Variants in VPS35L observed in about 807,000 individuals in gnomAD.
The protein encoded by VPS35L is VPS35 endosomal protein sorting factor like.
VPS35L carries 83 observed loss-of-function variants against 133.0 expected under a neutral mutation model. The observed-to-expected ratio is 0.62, with a 90% CI of 0.52 to 0.75. VPS35L has a LOEUF of 0.75. Among genes scored for constraint, VPS35L ranks in the 30% least tolerant of loss-of-function variants. The probability of loss-of-function intolerance (pLI) is 0.00; values close to 1 mark genes in which losing one functional copy is unlikely to be tolerated. For synonymous variants in VPS35L, 423 were observed against 449.9 expected (o/e 0.94, Z 0.76); for missense variants, 1,083 against 1,206.8 (o/e 0.90, Z 1.52).
chr16:19,572,580 C>T (rs548277487), intron 3 of VPS35L, among the ~76,000 whole-genome samples: 1 of 152,314 alleles, frequency 6.6e-6, no homozygotes, highest in Admixed American at 6.5e-5. Context: ...AACTCTTTGA[C>T]ATTCTGATAG....
At chr16:19,630,556 G>C (rs551424460) in intron 18 of VPS35L, among the ~76,000 whole-genome samples, 4 of 151,846 alleles carry the variant, frequency 2.6e-5, no homozygotes, top group African/African-American at 7.3e-5. Context: ...GGATGGTCTC[G>C]ATCTCCTGAG....
intron 5 of VPS35L, among the ~76,000 whole-genome samples, chr16:19,576,183 A>C (rs1421784527): frequency 1.9e-5 from 2 of 104,456 alleles, no homozygotes; most frequent in Non-Finnish European, 4.2e-5. Flanking sequence ...AAAAAAAACA[A>C]AAAAAAAAAA....
intron 7 of VPS35L, among the ~76,000 whole-genome samples, chr16:19,583,159 A>T (rs1971762156): frequency 6.6e-6 from 1 of 152,036 alleles, no homozygotes; most frequent in Non-Finnish European, 1.5e-5. Context: ...TTTTTTACTT[A>T]ACTTATAGAG....
Position 19,616,176 on chromosome 16 carries a change from C to T in VPS35L, c.1086C>T (p.Leu362=), listed in dbSNP as rs754536918. The change falls in exon 13 of 31, where the codon CTC becomes CTT. Residue 362 remains leucine, a synonymous_variant. Transcript: ENST00000417362. ...TAAATAAGAACTTTTTTGACTTCCT[C>T]CTTACGTTCAAACAGGTAAGAGAAC... ...ETLNKNFFDF[L]LTFKQIHGDT... 3 of 1,611,552 alleles carry T rather than the reference C, an allele frequency of 1.9e-6. No individual in the cohort carries two copies. The highest frequency in any genetic ancestry group is 1.7e-5 in the Admixed American group (1 of 59,960).
At chr16:19,632,261 C>T (rs1052023909) in intron 18 of VPS35L, among the ~76,000 whole-genome samples, 2 of 152,190 alleles carry the variant, frequency 1.3e-5, no homozygotes, top group East Asian at 3.9e-4. Flanking sequence ...CTGCACCCAG[C>T]CGAGTTACTA....
chr16:19,612,087 C>T (rs1009461169), intron 12 of VPS35L, among the ~76,000 whole-genome samples: 1 of 150,222 alleles, frequency 6.7e-6, no homozygotes, highest in Non-Finnish European at 1.5e-5. Flanking sequence ...TCCAGGTGTG[C>T]GCTACCACGC....
intron 8 of VPS35L, among the ~76,000 whole-genome samples, chr16:19,594,750 A>G (rs1324666100): frequency 2.0e-5 from 3 of 151,728 alleles, no homozygotes; most frequent in African/African-American, 4.8e-5. Context: ...AGTCAACCCA[A>G]TTGTATGTTA....
At position 19,700,679 on chromosome 16, in the gene VPS35L, TTC is replaced by T; in HGVS notation, c.*204_*205del. ...GTTGTCAGAGCATTAAAATGCAATC[TTC>T]ACTAAGAAGCAGTCTCTGTGTTGTC... On this transcript the variant is annotated 3_prime_UTR_variant, in exon 31 of 31. Transcript: ENST00000417362. 1 of 557,470 alleles carries T rather than the reference TTC, an allele frequency of 1.8e-6. No homozygotes were observed. Among genetic ancestry groups the T allele is most frequent in the Non-Finnish European group, 3.2e-6 (1 of 313,756 alleles). 34.5% of individuals were successfully genotyped at this position (557,470 alleles called of 1,614,324 possible). A position where few individuals can be genotyped will look rare whatever the true frequency, so the allele number is the denominator to read the frequency against.
rs764791922 is a variant in VPS35L at position 19,647,798 on chromosome 16, T to C, written c.1944T>C (p.Arg648=). The change falls in exon 24 of 31, where the codon CGT becomes CGC. Residue 648 remains arginine (R), a synonymous_variant. Transcript: ENST00000417362. ...NGFIKMVSFG[R]DFEQQLSFYV... The stretch of plus-strand genomic sequence containing the variant: ...CTTGATTCTAGGTTTCCTTTGGCCG[T>C]GATTTTGAACAACAGCTGAGTTTTT... 1.5e-5 allele frequency: 24 copies of C among 1,614,028 alleles called. No individual in the cohort carries two copies. The Admixed American group carries it at 4.0e-4, about 27-fold the overall frequency.
intron 1 of VPS35L, among the ~76,000 whole-genome samples, chr16:19,556,957 T>G (rs755470779): frequency 2.0e-5 from 3 of 151,920 alleles, no homozygotes; most frequent in Non-Finnish European, 4.4e-5. Flanking sequence ...AAACCTAATC[T>G]CTACTAAAAA....
chr16:19,621,957 T>C (rs1973095087), intron 14 of VPS35L, among the ~76,000 whole-genome samples: 1 of 151,976 alleles, frequency 6.6e-6, no homozygotes, highest in South Asian at 2.1e-4. Context: ...GGAGGTCTCA[T>C]TTATGTGTGT....
chr16:19,599,718 T>C (rs779889680), intron 8 of VPS35L, among the ~76,000 whole-genome samples: 11 of 152,070 alleles, frequency 7.2e-5, no homozygotes, highest in Non-Finnish European at 1.6e-4. Context: ...ATCTGCATTT[T>C]CAACAAGTGC....
intron 26 of VPS35L, among the ~76,000 whole-genome samples, chr16:19,656,507 C>T (rs185983417): frequency 6.6e-6 from 1 of 151,360 alleles, no homozygotes; most frequent in African/African-American, 2.4e-5. Flanking sequence ...ACTTTCAAGT[C>T]TTCTGCTTGC....
Position 19,564,903 on chromosome 16 carries a change from G to GCCTATC in VPS35L, c.71_72insCTATCC (p.Ala24_Val25insTyrPro). On this transcript the variant is annotated inframe_insertion, in exon 2 of 31. Transcript: ENST00000417362. ...TGAATTTGCATCATGCCGACTGGAG[G>GCCTATC]CTGTACCATTGGAGTTTGGGGACTA... is the stretch of plus-strand genomic sequence containing the variant. 1 of 1,613,556 alleles carries GCCTATC rather than the reference G, an allele frequency of 6.2e-7. No homozygotes were observed. The highest frequency in any genetic ancestry group is 1.7e-5 in the Admixed American group (1 of 59,984).
At chr16:19,642,694 G>GTT (rs1326276532) in intron 22 of VPS35L, among the ~76,000 whole-genome samples, 1 of 152,210 alleles carries the variant, frequency 6.6e-6, no homozygotes, top group African/African-American at 2.4e-5. Flanking sequence ...TTAGAAAGGA[G>GTT]TTTATGTTGC....
chr16:19,697,645 G>GT (rs1329047157), intron 29 of VPS35L, among the ~76,000 whole-genome samples: 1 of 150,662 alleles, frequency 6.6e-6, no homozygotes, highest in East Asian at 2.0e-4. Context: ...TGATAAGTTG[G>GT]TTTTAGCCAC....
chr16:19,666,218 T>A (rs942269151), intron 26 of VPS35L, among the ~76,000 whole-genome samples: 2 of 152,160 alleles, frequency 1.3e-5, no homozygotes, highest in African/African-American at 2.4e-5. Flanking sequence ...TTTGGTTGCC[T>A]GTGCTTGTGG....
intron 18 of VPS35L, 128 bp downstream of exon 18, chr16:19,629,948 A>G (rs1032434082): frequency 5.0e-6 from 4 of 792,380 alleles, no homozygotes; most frequent in East Asian, 2.7e-5. Context: ...TAAAAATTGC[A>G]TTCTTCATAA....
In VPS35L at chr16:19,604,125, G is replaced by GT. The variant is rs575369741; in HGVS notation, c.784+2417dup. 8.3e-3 allele frequency among the ~76,000 whole-genome samples: 1,119 copies of GT among 135,254 alleles called. 6 individuals are homozygous for GT. Among genetic ancestry groups the GT allele is most frequent in the African/African-American group, 0.015 (559 of 36,904 alleles). 88.7% of individuals were successfully genotyped at this position (135,254 alleles called of 152,430 possible). A position where few individuals can be genotyped will look rare whatever the true frequency, so the allele number is the denominator to read the frequency against. On this transcript the variant is annotated intron_variant, in intron 9 of 30. Transcript: ENST00000417362. ...AACAGGTGGAACTGAACCAAAATAG[G>GT]TTTTTTTTTTTTTTTGGCAACAACA... is the stretch of plus-strand genomic sequence containing the variant.
Sources: allele counts gnomAD v4.1 joint callset (sites outside exome capture counted in the v4.1 genomes callset), GRCh38; gene constraint gnomAD v4.1.1; transcripts MANE v1.5; gene names NCBI Gene and HGNC (gene_info 2026-07-23, HGNC 2026-07-21).